The following FGD4 variants were observed in gnomAD, a reference collection of about 807,000 sequenced individuals.
The protein encoded by FGD4 is FYVE, RhoGEF and PH domain-containing protein 4.
A neutral mutation model predicts 102.0 loss-of-function variants in FGD4; 42 were observed. The observed-to-expected ratio is 0.41, with a 90% CI of 0.32 to 0.53. The LOEUF (loss-of-function observed/expected upper bound fraction) is 0.53. Ranked by LOEUF, FGD4 falls within the 20% of genes least tolerant of loss-of-function variation. FGD4 has a pLI of 0.21. For synonymous variants in FGD4, 380 were observed against 375.7 expected, an observed-to-expected ratio of 1.01 and a Z score of -0.13; for missense variants, 902 against 1,078.2, an observed-to-expected ratio of 0.84 and a Z score of 2.29.
At chr12:32,550,361 CA>C (rs1226702293) in intron 1 of FGD4, among the ~76,000 whole-genome samples, 1 of 152,110 alleles carries the variant, frequency 6.6e-6, no homozygotes, top group Non-Finnish European at 1.5e-5. Context: ...ATATTAAAAT[CA>C]TACACTGAGT....
chr12:32,453,213 TATATATAATATA>T lies in FGD4; in HGVS notation c.166+53255_166+53266del, dbSNP rs1565749017. ...TTTATATATATATTATATATATATA[TATATATAATATA>T]GATATATATATATTTTTTTTTTTTT... On this transcript the variant is annotated intron_variant, in intron 1 of 16. Transcript: ENST00000534526. 1.2e-4 allele frequency among the ~76,000 whole-genome samples: 6 copies of T among 50,496 alleles called. No homozygotes were observed. The East Asian group carries it at 2.7e-3, about 23-fold the overall frequency. The allele number at this position is 50,496 out of a possible 152,430, so 33.1% of individuals were successfully genotyped here.
chr12:32,591,753 G>A (rs1947491067), intron 4 of FGD4, among the ~76,000 whole-genome samples: 1 of 152,174 alleles, frequency 6.6e-6, no homozygotes, highest in African/African-American at 2.4e-5. Flanking sequence ...AAATGAGGAG[G>A]CAGGACTGAC....
At position 32,582,346 on chromosome 12, in the gene FGD4, G is replaced by A. The variant is rs201826412; in HGVS notation, c.890G>A (p.Gly297Asp). ...TCTGACAGTAGCTACAGGACTCCAG[G>A]CATAGGCCCAGTGCTCCCCCTAGAA... ...NASDSSYRTP[G>D]IGPVLPLEER... The change falls in exon 4 of 17, where the codon GGC (glycine) becomes GAC (aspartate). Residue 297 changes from glycine to aspartate, a missense_variant. Physicochemically the swap from Gly to Asp is moderately conservative, Grantham distance 94 (BLOSUM62 -1). This residue lies in a region of FGD4 where 443 missense variants were observed against 459.2 expected (regional missense o/e 0.96). Transcript: ENST00000534526. 467 of 1,614,038 alleles carry A rather than the reference G, an allele frequency of 2.9e-4. 4 individuals are homozygous for A. Among genetic ancestry groups the A allele is most frequent in the Middle Eastern group, 1.8e-3 (11 of 6,084 alleles).
chr12:32,592,892 T>C (rs1417949216), intron 4 of FGD4, among the ~76,000 whole-genome samples: 1 of 152,234 alleles, frequency 6.6e-6, no homozygotes, highest in East Asian at 1.9e-4. Context: ...AAGTATGTAG[T>C]AGTACCACTT....
At position 32,644,239 on chromosome 12, in the gene FGD4, T is replaced by C. The variant is rs1951299521; in HGVS notation, c.*3706T>C. 6.6e-6 allele frequency: 1 copy of C among 152,180 alleles called. No homozygotes were observed. Among genetic ancestry groups the C allele is most frequent in the South Asian group, 2.1e-4 (1 of 4,830 alleles). The allele number at this position is 152,180 out of a possible 1,614,324, so 9.4% of individuals were successfully genotyped here. ...CTATTCTTCAGACTGTATTGACATC[T>C]GTAGTGGATCATGTTGCTTCTTCAT... On this transcript the variant is annotated 3_prime_UTR_variant, in exon 17 of 17. Transcript: ENST00000534526.
intron 4 of FGD4, among the ~76,000 whole-genome samples, chr12:32,596,634 C>T (rs1315601558): frequency 6.6e-6 from 1 of 150,664 alleles, no homozygotes; most frequent in Non-Finnish European, 1.5e-5. Context: ...AGAAATAGTC[C>T]TGGAGAAGTA....
chr12:32,556,206 A>G (rs891604172), intron 1 of FGD4, among the ~76,000 whole-genome samples: 3 of 151,844 alleles, frequency 2.0e-5, no homozygotes, highest in African/African-American at 7.3e-5. Context: ...GAACAGCTTA[A>G]TATTTCTTGA....
chr12:32,481,127 C>CAAAAAAA (rs1157108520), intron 1 of FGD4, among the ~76,000 whole-genome samples: 3,153 of 27,372 alleles, frequency 0.12, 1,000 homozygotes, highest in Admixed American at 0.14. Context: ...GACTCCGTCT[C>CAAAAAAA]AAAAAAAAAA....
chr12:32,574,906 A>G (rs1946004201), intron 2 of FGD4: 1 of 152,222 alleles, frequency 6.6e-6, no homozygotes, highest in Non-Finnish European at 1.5e-5. Flanking sequence ...AGATGATTCT[A>G]TTTGATCTGT....
chr12:32,529,637 G>A (rs1382515336), intron 1 of FGD4, among the ~76,000 whole-genome samples: 3 of 151,342 alleles, frequency 2.0e-5, no homozygotes, highest in East Asian at 3.9e-4. Context: ...GAGGTCAGGA[G>A]CTCGAGACCA....
chr12:32,422,815 G>T (rs1055134212), intron 1 of FGD4, among the ~76,000 whole-genome samples: 1 of 151,950 alleles, frequency 6.6e-6, no homozygotes, highest in African/African-American at 2.4e-5. Context: ...TTATAAACTT[G>T]AGTCAGCTAT....
intron 6 of FGD4, among the ~76,000 whole-genome samples, chr12:32,601,733 C>G (rs560441827): frequency 2.6e-5 from 4 of 152,288 alleles, no homozygotes; most frequent in South Asian, 4.2e-4. Flanking sequence ...CCTCACAGTA[C>G]GGTGAATGAG....
intron 1 of FGD4, among the ~76,000 whole-genome samples, chr12:32,507,571 T>G (rs1165574289): frequency 1.3e-5 from 2 of 152,212 alleles, no homozygotes; most frequent in African/African-American, 4.8e-5. Flanking sequence ...TTATCGTTAC[T>G]TCTCTTTCAG....
intron 4 of FGD4, among the ~76,000 whole-genome samples, chr12:32,594,906 G>A (rs537051742): frequency 6.6e-6 from 1 of 151,988 alleles, no homozygotes; most frequent in African/African-American, 2.4e-5. Flanking sequence ...TGGCACGCAC[G>A]TGTAGTGTCA....
intron 1 of FGD4, among the ~76,000 whole-genome samples, chr12:32,547,530 A>G (rs573225969): frequency 6.6e-6 from 1 of 152,234 alleles, no homozygotes; most frequent in Non-Finnish European, 1.5e-5. Flanking sequence ...ACTTTACATC[A>G]TAGTATTCTT....
At chr12:32,618,574 A>G (rs1949590694) in intron 10 of FGD4, among the ~76,000 whole-genome samples, 1 of 152,208 alleles carries the variant, frequency 6.6e-6, no homozygotes, top group African/African-American at 2.4e-5. Flanking sequence ...GTCTCACACT[A>G]TAATCCCAGC....
chr12:32,451,018 G>T (rs1371861551), intron 1 of FGD4, among the ~76,000 whole-genome samples: 2 of 152,264 alleles, frequency 1.3e-5, no homozygotes, highest in Non-Finnish European at 2.9e-5. Context: ...TCCTCACTTG[G>T]CTTGCACTTG....
chr12:32,581,156 G>C lies in FGD4; in HGVS notation c.504-804G>C, dbSNP rs376609553. On this transcript the variant is annotated intron_variant, in intron 3 of 16. Coordinates refer to ENST00000534526, the MANE Select transcript of FGD4 (RefSeq NM_001370298.3). ...TTTAGGAGAGATTGTCCTAAGCAGA[G>C]AACAGCAGCTGCAAAGACCCCAAGA... 3.9e-5 allele frequency among the ~76,000 whole-genome samples: 6 copies of C among 152,296 alleles called. No homozygotes were observed. In the East Asian group the frequency reaches 1.2e-3, roughly 29 times the overall value.
chr12:32,602,873 T>C (rs1043970341), intron 7 of FGD4, among the ~76,000 whole-genome samples: 6 of 152,252 alleles, frequency 3.9e-5, no homozygotes. Context: ...GGCATGGGAA[T>C]TCTGTTGTTC....
Sources: gnomAD v4.1 joint callset for allele counts (sites outside exome capture counted in the v4.1 genomes callset) on GRCh38, gnomAD v4.1.1 for gene constraint, gnomAD v4.1.1 regional missense constraint, MANE v1.5 for transcripts, NCBI Gene and HGNC (gene_info 2026-07-23, HGNC 2026-07-21) for gene names.